The following RGPD3 variants were observed in gnomAD, a reference collection of about 807,000 sequenced individuals.
RGPD3 encodes RANBP2 like and GRIP domain containing 3.
Under a neutral mutation model 154.5 loss-of-function variants are expected in RGPD3, and 62 were observed. The observed-to-expected ratio is 0.40, with a 90% CI of 0.33 to 0.50. The LOEUF is 0.50. RGPD3 is among the 20% of genes least tolerant of loss of function. The pLI is 0.59. For synonymous variants in RGPD3, 308 were observed against 607.0 expected (o/e 0.51, Z 7.24); for missense variants, 919 against 1,716.8 (o/e 0.54, Z 8.21).
chr2:106,436,392 A>G (rs994834488), intron 11 of RGPD3, 22 bp downstream of exon 11: 5 of 1,597,026 alleles, frequency 3.1e-6, no homozygotes, highest in Non-Finnish European at 3.4e-6. Context: ...AGTGAAAGCA[A>G]TATTTTTGTT....
At chr2:106,425,958 A>G (rs1167266181) in intron 19 of RGPD3, 36 bp downstream of exon 19, 6 of 1,411,866 alleles carry the variant, frequency 4.2e-6, no homozygotes, top group Non-Finnish European at 5.5e-6. Context: ...TTTAAAAAGG[A>G]AATAATTATA....
chr2:106,403,634 G>A lies in RGPD3; in HGVS notation c.*1585C>T, dbSNP rs201644929. ...ATATTTAAATATGATTAGTTACATC[G>A]TATGCAGCTGGCATACTCATATTCA... On this transcript the variant is annotated 3_prime_UTR_variant, in exon 23 of 23. Transcript: ENST00000409886. Among the ~76,000 whole-genome samples the A allele has an allele frequency of 0.06, 8,674 of 143,394 alleles. No individual in the cohort carries two copies. Among genetic ancestry groups the A allele is most frequent in the African/African-American group, 0.1 (3,770 of 37,456 alleles). The allele number at this position is 143,394 out of a possible 152,430, so 94.1% of individuals were successfully genotyped here. A position where few individuals can be genotyped will look rare whatever the true frequency, so the allele number is the denominator to read the frequency against.
rs1395230546 is a variant in RGPD3, at chr2:106,404,265, G to GCATGC, written c.*949_*953dup. Among the ~76,000 whole-genome samples, 8 of 150,094 alleles carry GCATGC rather than the reference G, an allele frequency of 5.3e-5. No homozygotes were observed. The highest frequency in any genetic ancestry group is 5.3e-4 in the Admixed American group (8 of 15,106). ...GATTCTCAAAACAGATTCATGGCTTGCATGCAGTGACACCCTATCAAGAGC... is the reference window on the plus strand; with the variant it reads ...GATTCTCAAAACAGATTCATGGCTTGCATGCCATGCAGTGACACCCTATCAAGAGC... On this transcript the variant is annotated 3_prime_UTR_variant, in exon 23 of 23. Transcript: ENST00000409886.
At chr2:106,439,794 A>G in intron 8 of RGPD3, among the ~76,000 whole-genome samples, 1 of 85,294 alleles carries the variant, frequency 1.2e-5, no homozygotes, top group African/African-American at 4.2e-5. Flanking sequence ...TGAACCCGGG[A>G]GGCGGAGCTT....
At chr2:106,437,547 C>A (rs533165140) in intron 9 of RGPD3, among the ~76,000 whole-genome samples, 1 of 152,126 alleles carries the variant, frequency 6.6e-6, no homozygotes, top group Non-Finnish European at 1.5e-5. Flanking sequence ...AAAGGTTATG[C>A]GCTTCTGGAA....
At chr2:106,461,661 G>T (rs577619720) in intron 1 of RGPD3, among the ~76,000 whole-genome samples, 9 of 151,096 alleles carry the variant, frequency 6.0e-5, no homozygotes, top group Non-Finnish European at 1.2e-4. Context: ...AATCAGAAAA[G>T]GAAATTAAGA....
intron 1 of RGPD3, among the ~76,000 whole-genome samples, chr2:106,466,027 T>G (rs1241843600): frequency 6.6e-6 from 1 of 150,478 alleles, no homozygotes; most frequent in Non-Finnish European, 1.5e-5. Context: ...GCATATAAAG[T>G]AAATGTCCAG....
At chr2:106,422,959 A>G (rs1463666162) in intron 20 of RGPD3, 84 bp downstream of exon 20, 2 of 1,597,934 alleles carry the variant, frequency 1.3e-6, no homozygotes, top group Admixed American at 1.7e-5. Context: ...ATATCCCAAC[A>G]TTAGTATCCC....
chr2:106,409,857 T>C (rs887770426), intron 22 of RGPD3, among the ~76,000 whole-genome samples: 36 of 149,086 alleles, frequency 2.4e-4, no homozygotes, highest in African/African-American at 8.4e-4. Context: ...TCTTTTGAAC[T>C]ATCTTGTAGT....
At chr2:106,436,360 C>T (rs1677552198) in intron 11 of RGPD3, 54 bp downstream of exon 11, 10 of 1,609,878 alleles carry the variant, frequency 6.2e-6, no homozygotes, top group Admixed American at 1.7e-5. Context: ...AGGATTAAAT[C>T]CCCGGTAAAA....
At position 106,413,260 on chromosome 2, in the gene RGPD3, A is replaced by T; in HGVS notation, c.5090T>A (p.Leu1697Ter). Reference sequence around the variant, plus strand: ...CACCTCTTGCTCTTGATTCCTTTCCAATCTTCTTATTTCACTTTTGAGAAG... The same window carrying T: ...CACCTCTTGCTCTTGATTCCTTTCCTATCTTCTTATTTCACTTTTGAGAAG... The part of the protein sequence containing the change: ...IKLLKSEIRR[L>*]ERNQEQEVSA... Residue 1697 changes from leucine to a stop codon, truncating the protein, a stop_gained, in exon 22 of 23, where the codon TTG becomes TAG. Transcript: ENST00000409886. LOFTEE classifies it high-confidence loss of function. 6.2e-7 allele frequency: 1 copy of T among 1,611,920 alleles called. No individual in the cohort carries two copies. Among genetic ancestry groups the T allele is most frequent in the Non-Finnish European group, 8.5e-7 (1 of 1,179,836 alleles).
chr2:106,414,425 C>T (rs1676760837), intron 21 of RGPD3, among the ~76,000 whole-genome samples: 2 of 151,988 alleles, frequency 1.3e-5, no homozygotes, highest in South Asian at 2.1e-4. Flanking sequence ...AGATTTAGAC[C>T]ATCCTGGCCA....
intron 1 of RGPD3, among the ~76,000 whole-genome samples, chr2:106,462,304 TAAAC>T (rs1303759143): frequency 1.3e-5 from 2 of 150,836 alleles, no homozygotes; most frequent in Non-Finnish European, 2.9e-5. Flanking sequence ...TTAAGATAAT[TAAAC>T]AACTTTACAA....
rs1233963555 is a variant in RGPD3 at position 106,405,022 on chromosome 2, C to T, written c.*197G>A. ...ACTTCAAGTTGAAACTTTTAAAATA[C>T]ATCTGTCATATAGATGTACAAATAT... On this transcript the variant is annotated 3_prime_UTR_variant, in exon 23 of 23. Transcript: ENST00000409886. The T allele has an allele frequency of 8.5e-6, 6 of 701,804 alleles. No homozygotes were observed. The highest frequency in any genetic ancestry group is 1.4e-5 in the Non-Finnish European group (6 of 422,056). 43.5% of individuals were successfully genotyped at this position (701,804 alleles called of 1,614,324 possible).
At chr2:106,441,711 C>A (rs867492443) in intron 7 of RGPD3, among the ~76,000 whole-genome samples, 2,411 of 148,450 alleles carry the variant, frequency 0.016, 39 homozygotes, top group African/African-American at 0.055. Flanking sequence ...AAAAAAAAAA[C>A]AAAGAGCCAG....
Position 106,424,850 on chromosome 2 carries a change from T to C in RGPD3, c.3117A>G (p.Glu1039=), listed in dbSNP as rs1387763557. 1.2e-5 allele frequency: 19 copies of C among 1,611,608 alleles called. No individual in the cohort carries two copies. The highest frequency in any genetic ancestry group is 1.6e-5 in the Non-Finnish European group (19 of 1,179,784). ...KTEDSDDIHF[E]PVVQMPEKVE... ...CTTTTTCAGGCATTTGAACTACTGG[T>C]TCAAAATGGATGTCATCGCTGTCCT... The change falls in exon 20 of 23, where the codon GAA becomes GAG. Residue 1039 remains glutamate (E), a synonymous_variant. Transcript: ENST00000409886.
chr2:106,448,353 G>A (rs1473565757), intron 6 of RGPD3, among the ~76,000 whole-genome samples: 26 of 152,262 alleles, frequency 1.7e-4, no homozygotes, highest in African/African-American at 3.4e-4. Context: ...CTCACGATCC[G>A]CCCGCCTCAG....
chr2:106,439,941 C>T (rs1326408000), intron 8 of RGPD3, among the ~76,000 whole-genome samples: 11 of 116,502 alleles, frequency 9.4e-5, no homozygotes, highest in South Asian at 3.1e-4. Context: ...AGTAAGCAAT[C>T]AAAAAATCAT....
chr2:106,408,680 A>AT (rs1000435597), intron 22 of RGPD3, among the ~76,000 whole-genome samples: 29 of 149,768 alleles, frequency 1.9e-4, no homozygotes, highest in African/African-American at 4.4e-4. Flanking sequence ...TTATTTCTTA[A>AT]TTTTTTTTTA....
Sources: allele counts gnomAD v4.1 joint callset (sites outside exome capture counted in the v4.1 genomes callset), GRCh38; gene constraint gnomAD v4.1.1; transcripts MANE v1.5; gene names NCBI Gene and HGNC (gene_info 2026-07-23, HGNC 2026-07-21).